Variants in SLC25A21 observed in about 807,000 individuals in gnomAD.
The protein encoded by SLC25A21 is solute carrier family 25 member 21.
In SLC25A21, 47 loss-of-function variants were observed where a neutral mutation model predicts 43.8. That is an observed-to-expected ratio of 1.07 (90% confidence interval 0.85 to 1.37). The LOEUF (loss-of-function observed/expected upper bound fraction) is 1.37, where lower values mean the gene tolerates loss of function less well. Ranked by LOEUF, SLC25A21 falls within the 40% of genes most tolerant of loss-of-function variation. The pLI, the probability that SLC25A21 is intolerant of heterozygous loss-of-function variation, is 0.00. For synonymous variants in SLC25A21, 131 were observed against 121.3 expected (o/e 1.08, Z -0.52); for missense variants, 352 against 350.2 (o/e 1.00, Z -0.04).
chr14:36,955,565 T>C (rs7147514), intron 1 of SLC25A21, among the ~76,000 whole-genome samples: 48,753 of 151,946 alleles, frequency 0.32, 8,816 homozygotes, highest in Non-Finnish European at 0.39. Context: ...GCACTGCTAG[T>C]AGCAACTCAC....
chr14:36,953,081 G>A (rs1321138922), intron 1 of SLC25A21, among the ~76,000 whole-genome samples: 1 of 152,134 alleles, frequency 6.6e-6, no homozygotes, highest in African/African-American at 2.4e-5. Flanking sequence ...TATGGTCCAT[G>A]TCTAAACACT....
At chr14:36,764,087 G>A (rs370293774) in intron 3 of SLC25A21, among the ~76,000 whole-genome samples, 607 of 25,548 alleles carry the variant, frequency 0.024, 11 homozygotes, top group East Asian at 0.061. Context: ...AAAGAAGGAA[G>A]GAAGGAAGGA....
At chr14:37,014,760 T>C (rs553097653) in intron 1 of SLC25A21, among the ~76,000 whole-genome samples, 4 of 152,248 alleles carry the variant, frequency 2.6e-5, no homozygotes, top group Admixed American at 2.0e-4. Context: ...ATAACAAGAC[T>C]TGAACATTGA....
Position 36,936,759 on chromosome 14 carries a change from C to T in SLC25A21, c.71-61755G>A, listed in dbSNP as rs1333736158. ...TTTAAAATGAATTTTATTTTTTCCA[C>T]TTTGTCCTTGTAGATCCAGAAGAAA... On this transcript the variant is annotated intron_variant, in intron 1 of 9. Transcript: ENST00000331299. 2.0e-5 allele frequency among the ~76,000 whole-genome samples: 3 copies of T among 152,152 alleles called. No homozygotes were observed. In the East Asian group the frequency reaches 5.8e-4, roughly 29 times the overall value.
chr14:36,951,504 G>T (rs1000791425), intron 1 of SLC25A21, among the ~76,000 whole-genome samples: 4 of 152,076 alleles, frequency 2.6e-5, no homozygotes, highest in Non-Finnish European at 5.9e-5. Flanking sequence ...CCATGTTGCT[G>T]GAGCAAATAA....
chr14:36,969,255 C>T (rs796468338), intron 1 of SLC25A21, among the ~76,000 whole-genome samples: 2 of 152,232 alleles, frequency 1.3e-5, no homozygotes, highest in East Asian at 3.9e-4. Context: ...GTTAATAGAG[C>T]TTGTGTGCTG....
chr14:36,717,085 C>A (rs1453770228), intron 6 of SLC25A21, among the ~76,000 whole-genome samples: 2 of 152,162 alleles, frequency 1.3e-5, no homozygotes, highest in Non-Finnish European at 2.9e-5. Context: ...AGAGGGGACC[C>A]AGTTGCTCCA....
chr14:36,959,346 C>A (rs1028104007), intron 1 of SLC25A21, among the ~76,000 whole-genome samples: 11 of 152,204 alleles, frequency 7.2e-5, no homozygotes, highest in African/African-American at 2.7e-4. Context: ...AGGCTCCTAT[C>A]TACTGTTTCT....
intron 1 of SLC25A21, among the ~76,000 whole-genome samples, chr14:36,933,401 T>C (rs1251205532): frequency 2.6e-5 from 4 of 152,102 alleles, no homozygotes; most frequent in African/African-American, 9.7e-5. Context: ...GACAGAGACA[T>C]TTCCACCACC....
In SLC25A21 at chr14:36,697,010, G is replaced by A. The variant is rs566276681; in HGVS notation, c.604-12085C>T. 5.1e-4 allele frequency among the ~76,000 whole-genome samples: 77 copies of A among 151,852 alleles called. 1 individual carries two copies. The highest frequency in any genetic ancestry group is 1.6e-3 in the African/African-American group (65 of 41,446). ...CTTTTAATTGTGATGTTAGGGTGTC[G>A]ATTTTAGATCTTTCCTGCTTTCTCT... is the stretch of plus-strand genomic sequence containing the variant. On this transcript the variant is annotated intron_variant, in intron 7 of 9. Transcript: ENST00000331299.
chr14:37,132,132 A>G (rs1963401807), intron 1 of SLC25A21, among the ~76,000 whole-genome samples: 1 of 152,186 alleles, frequency 6.6e-6, no homozygotes, highest in Admixed American at 6.5e-5. Flanking sequence ...AGAATGCAAG[A>G]GCAAAAGGGG....
At chr14:36,874,039 A>G (rs564814106) in intron 2 of SLC25A21, among the ~76,000 whole-genome samples, 1 of 152,366 alleles carries the variant, frequency 6.6e-6, no homozygotes, top group South Asian at 2.1e-4. Context: ...TACCTCTATT[A>G]GAAATGTAAT....
At chr14:36,961,250 C>T (rs1182038558) in intron 1 of SLC25A21, among the ~76,000 whole-genome samples, 2 of 149,866 alleles carry the variant, frequency 1.3e-5, no homozygotes, top group Non-Finnish European at 2.9e-5. Context: ...CTCGCTCTGT[C>T]GCCCAGGCTG....
chr14:36,788,983 T>A (rs1404104325), intron 3 of SLC25A21, among the ~76,000 whole-genome samples: 1 of 152,212 alleles, frequency 6.6e-6, no homozygotes, highest in Non-Finnish European at 1.5e-5. Context: ...TTTTACTGTG[T>A]CTGCAACTAA....
chr14:37,121,358 A>G (rs1420814650), intron 1 of SLC25A21, among the ~76,000 whole-genome samples: 2 of 152,166 alleles, frequency 1.3e-5, no homozygotes, highest in African/African-American at 4.8e-5. Flanking sequence ...TCCTAATCTC[A>G]CTGACCTATT....
intron 5 of SLC25A21, 73 bp downstream of exon 5, chr14:36,729,434 A>C: frequency 1.8e-5 from 21 of 1,189,722 alleles, no homozygotes; most frequent in Non-Finnish European, 2.5e-5. Flanking sequence ...TGGAAATCAA[A>C]AGAGTTTTTG....
Position 36,993,185 on chromosome 14 carries a change from T to C in SLC25A21, c.71-118181A>G, listed in dbSNP as rs189896866. Among the ~76,000 whole-genome samples the C allele has an allele frequency of 4.5e-4, 68 of 152,328 alleles. 1 individual carries two copies. The highest frequency in any genetic ancestry group is 7.2e-4 in the Admixed American group (11 of 15,286). On this transcript the variant is annotated intron_variant, in intron 1 of 9. Transcript: ENST00000331299. The stretch of plus-strand genomic sequence containing the variant: ...GCTATTTTCTATAGAATCATATTAC[T>C]GCAAGCTACAACCCAGTGTCGAGTG...
chr14:36,955,885 C>A (rs1256406299), intron 1 of SLC25A21, among the ~76,000 whole-genome samples: 1 of 152,120 alleles, frequency 6.6e-6, no homozygotes, highest in Non-Finnish European at 1.5e-5. Flanking sequence ...GTTCAAATCC[C>A]AGCTTGGTCC....
At chr14:36,722,394 T>C (rs1351571055) in intron 6 of SLC25A21, among the ~76,000 whole-genome samples, 2 of 152,126 alleles carry the variant, frequency 1.3e-5, no homozygotes, top group Non-Finnish European at 2.9e-5. Context: ...TCATAGAAGG[T>C]ACAGCACCAA....
Sources: allele counts gnomAD v4.1 joint callset (sites outside exome capture counted in the v4.1 genomes callset), GRCh38; gene constraint gnomAD v4.1.1; transcripts MANE v1.5; gene names NCBI Gene and HGNC (gene_info 2026-07-23, HGNC 2026-07-21).